PSD3: variants seen among roughly 807,000 people sequenced by gnomAD.
PSD3 encodes the protein PH and SEC7 domain-containing protein 3.
Under a neutral mutation model 105.5 loss-of-function variants are expected in PSD3, and 49 were observed. The ratio of observed to expected loss-of-function variants is 0.46; its 90% CI spans 0.37 to 0.59. The LOEUF (loss-of-function observed/expected upper bound fraction) is 0.59. Ranked by LOEUF, PSD3 falls within the 20% of genes least tolerant of loss-of-function variation. PSD3 has a pLI of 0.00. For missense variants in PSD3, 1,561 were observed against 1,263.8 expected (o/e 1.24, Z -3.57); for synonymous variants, 557 against 457.8 (o/e 1.22, Z -2.77).
At chr8:18,632,556 A>G in intron 11 of PSD3, 57 bp downstream of exon 11, 1 of 1,525,094 alleles carries the variant, frequency 6.6e-7, no homozygotes, top group South Asian at 1.2e-5. Flanking sequence ...TTCCCTTTAA[A>G]TTTTGAGCAT....
At chr8:18,810,085 C>T (rs1439313832) in intron 4 of PSD3, among the ~76,000 whole-genome samples, 1 of 152,186 alleles carries the variant, frequency 6.6e-6, no homozygotes, top group Non-Finnish European at 1.5e-5. Context: ...CAAATACAAG[C>T]TGTGCTCCCA....
intron 4 of PSD3, among the ~76,000 whole-genome samples, chr8:18,853,552 A>C (rs192883876): frequency 3.3e-5 from 5 of 152,022 alleles, no homozygotes; most frequent in Admixed American, 3.3e-4. Flanking sequence ...GAAAAAAAAA[A>C]CTCCCTATGC....
intron 1 of PSD3, among the ~76,000 whole-genome samples, chr8:19,008,422 G>C (rs1233409184): frequency 6.6e-6 from 1 of 152,152 alleles, no homozygotes; most frequent in Non-Finnish European, 1.5e-5. Context: ...AACTTCGCCA[G>C]AAAATAACAC....
At chr8:18,753,469 A>G (rs1437406522) in intron 9 of PSD3, among the ~76,000 whole-genome samples, 1 of 152,160 alleles carries the variant, frequency 6.6e-6, no homozygotes, top group African/African-American at 2.4e-5. Flanking sequence ...ACTTCCTTGC[A>G]AGATCTGGAT....
At chr8:18,627,384 C>A (rs1565136) in intron 11 of PSD3, among the ~76,000 whole-genome samples, 14,592 of 152,040 alleles carry the variant, frequency 0.096, 982 homozygotes, top group East Asian at 0.19. Context: ...GGATACTCTG[C>A]TCTTGGCTGT....
chr8:18,630,415 AGAG>A (rs1223319007), intron 11 of PSD3, among the ~76,000 whole-genome samples: 1 of 151,920 alleles, frequency 6.6e-6, no homozygotes. Flanking sequence ...ATCCTCCAAT[AGAG>A]GAGGTTTCCT....
Position 18,556,267 on chromosome 8 carries a change from T to C in PSD3, c.2870A>G (p.Lys957Arg). 3 of 1,614,130 alleles carry C rather than the reference T, an allele frequency of 1.9e-6. No homozygotes were observed. Among genetic ancestry groups the C allele is most frequent in the Non-Finnish European group, 2.5e-6 (3 of 1,179,996 alleles). Residue 957 changes from lysine to arginine, a missense_variant, in exon 15 of 16, where the codon AAG becomes AGG. Coordinates refer to ENST00000327040, the MANE Select transcript of PSD3 (RefSeq NM_015310.4). ...CTCATCGACGTCCTTGGCTTTGACC[T>C]TCTTGTCGGGGGGATATGAGCGGTG... ...AEHRSYPPDK[K>R]VKAKDVDEYK...
Position 18,738,084 on chromosome 8 carries a change from C to T in PSD3, c.2172+27365G>A, listed in dbSNP as rs189653332. On this transcript the variant is annotated intron_variant, in intron 9 of 15. Transcript: ENST00000327040. ...GCAAAGGAATGGAAATCAGGAAATC[C>T]GAATGGCTAACATGGGGTCACAGGG... Among the ~76,000 whole-genome samples the T allele has an allele frequency of 6.8e-4, 103 of 152,228 alleles. 2 individuals carry two copies. In the East Asian group the frequency reaches 0.012, roughly 18 times the overall value.
At chr8:18,837,720 C>T (rs1440647058) in intron 4 of PSD3, among the ~76,000 whole-genome samples, 1 of 152,186 alleles carries the variant, frequency 6.6e-6, no homozygotes, top group Admixed American at 6.6e-5. Context: ...AGGAGAATCA[C>T]TTGAGCCCAG....
intron 4 of PSD3, among the ~76,000 whole-genome samples, chr8:18,837,599 G>T (rs1216264584): frequency 6.6e-6 from 1 of 151,992 alleles, no homozygotes; most frequent in Non-Finnish European, 1.5e-5. Flanking sequence ...ATACTCACTG[G>T]CAAAAGATGA....
chr8:19,014,354 C>T (rs1167022948), upstream of PSD3: 1 of 152,298 alleles, frequency 6.6e-6, no homozygotes, highest in East Asian at 1.9e-4. The surrounding 1 kb of genome is among the most constrained non-coding windows in gnomAD (Gnocchi z 4.9). Context: ...CCCCCAGGCG[C>T]CCCGCAGCCT....
chr8:18,813,566 G>A (rs533468689), intron 4 of PSD3, among the ~76,000 whole-genome samples: 2 of 152,282 alleles, frequency 1.3e-5, no homozygotes, highest in East Asian at 1.9e-4. Context: ...AAGAATTCAG[G>A]GGTCTCCCTT....
At chr8:18,610,836 G>A (rs879580338) in intron 11 of PSD3, among the ~76,000 whole-genome samples, 4 of 151,566 alleles carry the variant, frequency 2.6e-5, no homozygotes, top group Non-Finnish European at 4.4e-5. Context: ...ATGCCAGAAA[G>A]TATCATAAAC....
At chr8:18,871,579 G>A in intron 3 of PSD3, 47 bp downstream of exon 3, 1 of 1,534,284 alleles carries the variant, frequency 6.5e-7, no homozygotes, top group Non-Finnish European at 8.7e-7. Context: ...AGTTTTCTAT[G>A]ATATGTACCA....
At chr8:18,934,416 A>T (rs1266720399) in intron 2 of PSD3, among the ~76,000 whole-genome samples, 1 of 152,116 alleles carries the variant, frequency 6.6e-6, no homozygotes, top group African/African-American at 2.4e-5. Context: ...TGACTCTAAG[A>T]TCCTTTTTTT....
intron 8 of PSD3, among the ~76,000 whole-genome samples, chr8:18,787,488 C>T (rs539342214): frequency 2.6e-4 from 40 of 152,016 alleles, no homozygotes; most frequent in Middle Eastern, 3.4e-3. Flanking sequence ...AAATAGATGA[C>T]AAAGTGGAAA....
intron 4 of PSD3, among the ~76,000 whole-genome samples, chr8:18,827,112 C>T (rs1492287): frequency 0.3 from 46,224 of 152,040 alleles, 7,370 homozygotes; most frequent in Non-Finnish European, 0.32. Flanking sequence ...CACCTCCTGC[C>T]GGGCACCATA....
At chr8:19,011,769 TA>T (rs71545539) in intron 1 of PSD3, among the ~76,000 whole-genome samples, 67,817 of 147,506 alleles carry the variant, frequency 0.46, 15,507 homozygotes, top group Non-Finnish European at 0.49. Context: ...TGCTCGCATT[TA>T]AAAAAAAAAA....
At chr8:18,668,015 C>A (rs1211056884) in intron 9 of PSD3, among the ~76,000 whole-genome samples, 1 of 152,248 alleles carries the variant, frequency 6.6e-6, no homozygotes, top group African/African-American at 2.4e-5. Context: ...CAAGAAATCG[C>A]GCTGGCCCGC....
Sources: allele counts gnomAD v4.1 joint callset (sites outside exome capture counted in the v4.1 genomes callset), GRCh38; gene constraint gnomAD v4.1.1; non-coding constraint Gnocchi (gnomAD v3.1); transcripts MANE v1.5; gene names NCBI Gene and HGNC (gene_info 2026-07-23, HGNC 2026-07-21).